RNF17: variants seen among roughly 807,000 people sequenced by gnomAD.
RNF17 encodes the protein spermatogenesis associated 23.
RNF17 carries 31 observed loss-of-function variants against 200.5 expected under a neutral mutation model. That is an observed-to-expected ratio of 0.15 (90% CI 0.12 to 0.21). The LOEUF is 0.21. Among genes scored for constraint, RNF17 ranks in the 10% least tolerant of loss-of-function variants. The pLI, the probability that RNF17 is intolerant of heterozygous loss-of-function variation, is 1.00. For synonymous variants in RNF17, 606 were observed against 637.8 expected, an observed-to-expected ratio of 0.95 and a Z score of 0.75; for missense variants, 1,628 against 1,905.1, an observed-to-expected ratio of 0.85 and a Z score of 2.71.
intron 2 of RNF17, among the ~76,000 whole-genome samples, chr13:24,769,331 A>G (rs1013363884): frequency 1.3e-5 from 2 of 152,158 alleles, no homozygotes; most frequent in African/African-American, 4.8e-5. Context: ...AGGTTGTGAT[A>G]AATCTATTTT....
intron 27 of RNF17, among the ~76,000 whole-genome samples, 187 bp downstream of exon 27, chr13:24,861,574 C>T (rs564956308): frequency 3.9e-5 from 6 of 152,132 alleles, no homozygotes; most frequent in Non-Finnish European, 8.8e-5. Context: ...ATACTCAAGG[C>T]TGTAAAACAT....
intron 1 of RNF17, among the ~76,000 whole-genome samples, chr13:24,765,654 T>G (rs1267261318): frequency 6.6e-6 from 1 of 152,216 alleles, no homozygotes; most frequent in African/African-American, 2.4e-5. Context: ...CCTTTTAAAA[T>G]GAGTACTTCT....
chr13:24,778,261 C>A, intron 3 of RNF17, 34 bp from the exon 4 acceptor site: 1 of 1,432,970 alleles, frequency 7.0e-7, no homozygotes, highest in Non-Finnish European at 9.8e-7. Context: ...GATCCTGTCA[C>A]AAAAAATAAA....
At chr13:24,782,067 A>T in intron 6 of RNF17, 123 bp downstream of exon 6, 2 of 692,270 alleles carry the variant, frequency 2.9e-6, no homozygotes, top group Non-Finnish European at 2.5e-6. Context: ...GGTAACTTTC[A>T]AACAAGTTTG....
intron 15 of RNF17, among the ~76,000 whole-genome samples, chr13:24,813,442 C>T (rs1050082755): frequency 3.3e-5 from 5 of 152,168 alleles, no homozygotes; most frequent in Non-Finnish European, 7.3e-5. Flanking sequence ...AAGCATGATT[C>T]ACCATGCCCA....
chr13:24,865,001 A>G lies in RNF17; in HGVS notation c.4101+3A>G. The G allele has an allele frequency of 6.5e-7, 1 of 1,544,602 alleles. No individual in the cohort carries two copies. The highest frequency in any genetic ancestry group is 8.7e-7 in the Non-Finnish European group (1 of 1,144,744). On this transcript the variant is annotated splice_donor_region_variant and intron_variant, in intron 29 of 35. Coordinates refer to ENST00000255324, the MANE Select transcript of RNF17 (RefSeq NM_031277.3). ...ATACTGAGGAGATGTTGAAAGAAGT[A>G]AGTGCACTATTTTTCTATAAAAATC...
At chr13:24,811,942 G>T (rs1019251303) in intron 15 of RNF17, among the ~76,000 whole-genome samples, 22 of 152,106 alleles carry the variant, frequency 1.4e-4, no homozygotes, top group Admixed American at 6.5e-5. Context: ...GTGCCTCCCA[G>T]TTAGGCTGCT....
chr13:24,751,760 T>C, the RNF17 span: 1 of 152,188 alleles, frequency 6.6e-6, no homozygotes, highest in Admixed American at 6.6e-5. Flanking sequence ...TTCTGGATTG[T>C]CATTTTGAAG....
chr13:24,834,644 G>A (rs927772975), intron 18 of RNF17, among the ~76,000 whole-genome samples: 21 of 152,256 alleles, frequency 1.4e-4, no homozygotes, highest in Admixed American at 9.8e-4. Context: ...AGATCCCAGC[G>A]AAATATAGGG....
chr13:24,799,731 T>C lies in RNF17; in HGVS notation c.1589+147T>C, dbSNP rs571164445. The C allele has an allele frequency of 5.0e-6, 3 of 595,484 alleles. No individual in the cohort carries two copies. In the Middle Eastern group the frequency reaches 1.3e-3, roughly 249 times the overall value. The allele number at this position is 595,484 out of a possible 1,614,324, so 36.9% of individuals were successfully genotyped here. A position where few individuals can be genotyped will look rare whatever the true frequency, so the allele number is the denominator to read the frequency against. On this transcript the variant is annotated intron_variant, in intron 12 of 35. Coordinates refer to ENST00000255324, the MANE Select transcript of RNF17 (RefSeq NM_031277.3). Reference sequence around the variant, plus strand: ...CATACGTTTTATTATTTTGCTCTACTGTTGTCTTGATAAGTAAAACTTTAT... The same window carrying C: ...CATACGTTTTATTATTTTGCTCTACCGTTGTCTTGATAAGTAAAACTTTAT...
At chr13:24,767,426 C>A in intron 2 of RNF17, 60 bp downstream of exon 2, 1 of 1,171,730 alleles carries the variant, frequency 8.5e-7, no homozygotes, top group Non-Finnish European at 1.3e-6. Context: ...GGTAAAAATA[C>A]TACAGTAGTA....
At chr13:24,788,627 C>A (rs975334646) in intron 7 of RNF17, among the ~76,000 whole-genome samples, 1 of 152,084 alleles carries the variant, frequency 6.6e-6, no homozygotes, top group South Asian at 2.1e-4. Context: ...CAATTCCATT[C>A]CAAATTGTGC....
chr13:24,779,642 G>C (rs1017646915), intron 4 of RNF17, 25 bp from the exon 5 acceptor site: 2 of 1,556,112 alleles, frequency 1.3e-6, no homozygotes, highest in Non-Finnish European at 1.8e-6. Flanking sequence ...TTTTATATTT[G>C]TATGTGATTT....
At chr13:24,885,210 T>C in the RNF17 span, 1 of 1,062,240 alleles carries the variant, frequency 9.4e-7, no homozygotes, top group Non-Finnish European at 1.5e-6. Flanking sequence ...AGATTCTATG[T>C]GTTTCAACTA....
At chr13:24,747,899 G>A in the RNF17 span, among the ~76,000 whole-genome samples, 1 of 152,238 alleles carries the variant, frequency 6.6e-6, no homozygotes, top group African/African-American at 2.4e-5. Flanking sequence ...CGGACACCAA[G>A]GCCCCCGTGC....
chr13:24,826,200 A>T (rs12869348), intron 16 of RNF17: 215,857 of 546,114 alleles, frequency 0.4, 45,053 homozygotes, highest in African/African-American at 0.47. Context: ...AGTTTTCTCG[A>T]TATATTTTTT....
At position 24,866,185 on chromosome 13, in the gene RNF17, A is replaced by G; in HGVS notation, c.4143A>G (p.Gln1381=). The G allele has an allele frequency of 6.4e-7, 1 of 1,554,024 alleles. No homozygotes were observed. Residue 1381 remains glutamine, a synonymous_variant, in exon 30 of 36, where the codon CAA becomes CAG. Transcript: ENST00000255324. The part of the protein sequence containing the change: ...SDHDKKYEEE[Q]WEIRFEELLS... ...ATGATAAAAAGTATGAAGAGGAACAATGGGAAATAAGGTTTGAGGTAAGTA... is the reference window on the plus strand; with the variant it reads ...ATGATAAAAAGTATGAAGAGGAACAGTGGGAAATAAGGTTTGAGGTAAGTA...
In RNF17 at chr13:24,870,405, A is replaced by C. The variant is rs11617927; in HGVS notation, c.4279-166A>C. On this transcript the variant is annotated intron_variant, in intron 31 of 35. Transcript: ENST00000255324. ...AGCCTAATCATGTTCTCTTGATCACAAGATAAGTGTGGTAGGATGTGGGAA... is the reference window on the plus strand; with the variant it reads ...AGCCTAATCATGTTCTCTTGATCACCAGATAAGTGTGGTAGGATGTGGGAA... 0.12 allele frequency among the ~76,000 whole-genome samples: 18,829 copies of C among 152,074 alleles called. 1,274 individuals are homozygous for C. Among genetic ancestry groups the C allele is most frequent in the Admixed American group, 0.15 (2,242 of 15,260 alleles).
At chr13:24,770,725 G>C (rs1014945930) in intron 2 of RNF17, among the ~76,000 whole-genome samples, 2 of 152,140 alleles carry the variant, frequency 1.3e-5, no homozygotes, top group African/African-American at 4.8e-5. Flanking sequence ...TCACAAAAAT[G>C]GGAGACTATA....
Sources: gnomAD v4.1 joint callset for allele counts (sites outside exome capture counted in the v4.1 genomes callset) on GRCh38, gnomAD v4.1.1 for gene constraint, MANE v1.5 for transcripts, NCBI Gene and HGNC (gene_info 2026-07-23, HGNC 2026-07-21) for gene names.